Variants in ANTXR1 observed in about 807,000 individuals in gnomAD.
ANTXR1 encodes ANTXR cell adhesion molecule 1.
Under a neutral mutation model 78.1 loss-of-function variants are expected in ANTXR1, and 19 were observed. The ratio of observed to expected loss-of-function variants is 0.24; its 90% CI spans 0.17 to 0.36. The LOEUF is 0.36. ANTXR1 is among the 10% of genes least tolerant of loss of function. The pLI, the probability that ANTXR1 is intolerant of heterozygous loss-of-function variation, is 1.00. For synonymous variants in ANTXR1, 273 were observed against 260.5 expected, an observed-to-expected ratio of 1.05 and a Z score of -0.46; for missense variants, 518 against 718.6, an observed-to-expected ratio of 0.72 and a Z score of 3.19.
chr2:69,153,489 C>T (rs1673449752), intron 13 of ANTXR1, among the ~76,000 whole-genome samples: 1 of 152,168 alleles, frequency 6.6e-6, no homozygotes, highest in Admixed American at 6.5e-5. Context: ...CCAGGACAGG[C>T]ACAAGTCTTG....
chr2:69,199,662 C>G (rs542324570), intron 17 of ANTXR1, among the ~76,000 whole-genome samples: 20 of 152,216 alleles, frequency 1.3e-4, no homozygotes, highest in African/African-American at 2.9e-4. Context: ...AAGGTCCCCC[C>G]CTAAAGGTTC....
At chr2:69,019,604 A>C (rs1671123613) in intron 1 of ANTXR1, among the ~76,000 whole-genome samples, 1 of 150,524 alleles carries the variant, frequency 6.6e-6, no homozygotes, top group Non-Finnish European at 1.5e-5. Flanking sequence ...TGAACTTAAA[A>C]TAAAAGATGT....
At chr2:69,071,031 G>C (rs925222391) in intron 4 of ANTXR1, among the ~76,000 whole-genome samples, 2 of 152,240 alleles carry the variant, frequency 1.3e-5, no homozygotes, top group Admixed American at 1.3e-4. Flanking sequence ...TTGGATGTCA[G>C]CTTCAGTGAT....
chr2:69,015,591 A>C (rs1459797999), intron 1 of ANTXR1, among the ~76,000 whole-genome samples: 1 of 152,128 alleles, frequency 6.6e-6, no homozygotes, highest in Non-Finnish European at 1.5e-5. Flanking sequence ...CATACACATA[A>C]ATAAATTTCA....
In ANTXR1 at chr2:69,245,749, A is replaced by T. The variant is rs1486700360; in HGVS notation, c.*264A>T. ...TCTAGAAGGTTCCAGAGACAGTGAAACTGCAAGATGCTCTCAACAGGATTA... is the reference window on the plus strand; with the variant it reads ...TCTAGAAGGTTCCAGAGACAGTGAATCTGCAAGATGCTCTCAACAGGATTA... On this transcript the variant is annotated 3_prime_UTR_variant, in exon 18 of 18. Coordinates refer to ENST00000303714, the MANE Select transcript of ANTXR1 (RefSeq NM_032208.3). The T allele has an allele frequency of 6.6e-6, 3 of 452,140 alleles. No homozygotes were observed. The highest frequency in any genetic ancestry group is 1.2e-5 in the Non-Finnish European group (3 of 254,600). The allele number at this position is 452,140 out of a possible 1,614,324, so 28.0% of individuals were successfully genotyped here. A position where few individuals can be genotyped will look rare whatever the true frequency, so the allele number is the denominator to read the frequency against.
chr2:69,059,441 G>A (rs1670165734), intron 3 of ANTXR1, among the ~76,000 whole-genome samples: 1 of 151,770 alleles, frequency 6.6e-6, no homozygotes, highest in Non-Finnish European at 1.5e-5. Flanking sequence ...ATGATCATTA[G>A]CAATCTTTAG....
chr2:69,152,013 T>C (rs964955777), intron 12 of ANTXR1, among the ~76,000 whole-genome samples, 156 bp from the exon 13 acceptor site: 2 of 152,238 alleles, frequency 1.3e-5, no homozygotes, highest in African/African-American at 4.8e-5. Flanking sequence ...TGCAGGGCCA[T>C]GAGCCCCAGA....
At chr2:69,131,490 T>G (rs990720929) in intron 12 of ANTXR1, among the ~76,000 whole-genome samples, 4 of 152,162 alleles carry the variant, frequency 2.6e-5, no homozygotes, top group African/African-American at 7.2e-5. Flanking sequence ...GTTTATAGCT[T>G]TGGAAACAAC....
intron 17 of ANTXR1, among the ~76,000 whole-genome samples, chr2:69,196,501 A>G (rs1384414952): frequency 6.6e-6 from 1 of 152,202 alleles, no homozygotes; most frequent in East Asian, 1.9e-4. Flanking sequence ...GCTACTCAGG[A>G]AAGAATTCCA....
At chr2:69,053,670 C>T (rs1338649909) in intron 3 of ANTXR1, among the ~76,000 whole-genome samples, 3 of 152,166 alleles carry the variant, frequency 2.0e-5, no homozygotes, top group Non-Finnish European at 4.4e-5. Context: ...CTGGAAATTT[C>T]ACCTTTCTTC....
intron 1 of ANTXR1, among the ~76,000 whole-genome samples, chr2:69,022,309 T>C (rs1450294098): frequency 2.0e-5 from 3 of 152,206 alleles, no homozygotes; most frequent in African/African-American, 7.2e-5. Flanking sequence ...TTCATTGTGA[T>C]GGACTGTGGG....
chr2:69,153,062 C>G (rs1168110403), intron 13 of ANTXR1, among the ~76,000 whole-genome samples: 1 of 152,198 alleles, frequency 6.6e-6, no homozygotes, highest in Non-Finnish European at 1.5e-5. Flanking sequence ...TATTTCTAGC[C>G]TGTGCCCTGC....
chr2:69,124,064 G>A (rs1672446806), intron 11 of ANTXR1, among the ~76,000 whole-genome samples: 3 of 152,182 alleles, frequency 2.0e-5, no homozygotes, highest in Admixed American at 2.0e-4. Context: ...CTTAGAGTGG[G>A]AAGAGATGGA....
intron 12 of ANTXR1, among the ~76,000 whole-genome samples, chr2:69,144,760 G>A (rs554566260): frequency 6.6e-6 from 1 of 152,330 alleles, no homozygotes; most frequent in East Asian, 1.9e-4. Context: ...TATCTTCAGT[G>A]GCCTCAGTGA....
intron 8 of ANTXR1, among the ~76,000 whole-genome samples, chr2:69,084,246 T>G (rs1236283067): frequency 6.6e-6 from 1 of 152,204 alleles, no homozygotes; most frequent in Non-Finnish European, 1.5e-5. Context: ...CTCTCTGAGC[T>G]TTTCTCCTGC....
chr2:69,245,585 C>T lies in ANTXR1; in HGVS notation c.*100C>T, dbSNP rs1397535349. 2.6e-6 allele frequency: 4 copies of T among 1,520,244 alleles called. No individual in the cohort carries two copies. Among genetic ancestry groups the T allele is most frequent in the Non-Finnish European group, 1.8e-6 (2 of 1,131,300 alleles). 94.2% of individuals were successfully genotyped at this position (1,520,244 alleles called of 1,614,324 possible). A position where few individuals can be genotyped will look rare whatever the true frequency, so the allele number is the denominator to read the frequency against. ...AGGAGTGGTGATAAAGCCCACTGACCTTCACACATTCTAAAAATTGGTTGG... is the reference window on the plus strand; with the variant it reads ...AGGAGTGGTGATAAAGCCCACTGACTTTCACACATTCTAAAAATTGGTTGG... On this transcript the variant is annotated 3_prime_UTR_variant, in exon 18 of 18. Coordinates refer to ENST00000303714, the MANE Select transcript of ANTXR1 (RefSeq NM_032208.3).
intron 3 of ANTXR1, among the ~76,000 whole-genome samples, chr2:69,050,185 C>T (rs1669887601): frequency 6.6e-6 from 1 of 151,968 alleles, no homozygotes; most frequent in Admixed American, 6.6e-5. Flanking sequence ...GTGGTCCCAG[C>T]TACTCAGGAG....
In ANTXR1 at chr2:69,238,139, C is replaced by T. The variant is rs183533056; in HGVS notation, c.1435-7086C>T. ...TATTCAAATGATCAGTCCTGACTAA[C>T]TAACTACCTGTCACTCAGTGGTCAT... On this transcript the variant is annotated intron_variant, in intron 17 of 17. Coordinates refer to ENST00000303714, the MANE Select transcript of ANTXR1 (RefSeq NM_032208.3). 2.6e-3 allele frequency among the ~76,000 whole-genome samples: 394 copies of T among 152,340 alleles called. 2 individuals carry two copies. The highest frequency in any genetic ancestry group is 8.7e-3 in the African/African-American group (361 of 41,582).
rs187810693 is a variant in ANTXR1 at position 69,018,420 on chromosome 2, A to T, written c.152+4769A>T. Among the ~76,000 whole-genome samples, 5 of 152,304 alleles carry T rather than the reference A, an allele frequency of 3.3e-5. No homozygotes were observed. The South Asian group carries it at 6.2e-4, about 19-fold the overall frequency. ...TTATGTGTTGTACTCCAGGGACAGG[A>T]TCATCAGATAGATTTTTGTAGCATT... On this transcript the variant is annotated intron_variant, in intron 1 of 17. Coordinates refer to ENST00000303714, the MANE Select transcript of ANTXR1 (RefSeq NM_032208.3).
Sources: allele counts gnomAD v4.1 joint callset (sites outside exome capture counted in the v4.1 genomes callset), GRCh38; gene constraint gnomAD v4.1.1; transcripts MANE v1.5; gene names NCBI Gene and HGNC (gene_info 2026-07-23, HGNC 2026-07-21).